The following EYS variants were observed in gnomAD, a reference collection of about 807,000 sequenced individuals.
EYS encodes the protein EGF-like photoreceptor maintenance factor.
EYS carries 250 observed loss-of-function variants against 282.1 expected under a neutral mutation model. The observed-to-expected ratio is 0.89, with a 90% CI of 0.80 to 0.98. EYS has a LOEUF of 0.98. Ranked by LOEUF, EYS falls within the 50% of genes least tolerant of loss-of-function variation. EYS has a pLI of 0.00. For missense variants in EYS, 4,016 were observed against 3,709.0 expected (o/e 1.08, Z -2.15); for synonymous variants, 1,355 against 1,282.9 (o/e 1.06, Z -1.20).
chr6:64,911,418 T>C (rs1767986845), intron 16 of EYS, among the ~76,000 whole-genome samples: 1 of 152,152 alleles, frequency 6.6e-6, no homozygotes. Flanking sequence ...GTATACAGGT[T>C]CAAGAACTTG....
chr6:65,076,716 A>G (rs1029559787), intron 12 of EYS, among the ~76,000 whole-genome samples: 2 of 151,938 alleles, frequency 1.3e-5, no homozygotes, highest in South Asian at 2.1e-4. Flanking sequence ...ATACATATAT[A>G]TACATTCTCT....
At chr6:63,905,566 G>A (rs571010924) in intron 35 of EYS, among the ~76,000 whole-genome samples, 53 of 152,062 alleles carry the variant, frequency 3.5e-4, no homozygotes, top group Middle Eastern at 3.4e-3. Flanking sequence ...TCCTGACCTC[G>A]TGATCCACCC....
At chr6:65,346,207 G>A (rs1471736362) in intron 9 of EYS, among the ~76,000 whole-genome samples, 1 of 151,736 alleles carries the variant, frequency 6.6e-6, no homozygotes, top group African/African-American at 2.4e-5. Context: ...TGTATGGTCA[G>A]TTTCCAGTCA....
chr6:64,294,262 T>A (rs1768823363), intron 30 of EYS, among the ~76,000 whole-genome samples: 1 of 152,190 alleles, frequency 6.6e-6, no homozygotes, highest in Non-Finnish European at 1.5e-5. Context: ...TGTTAAGAAC[T>A]ATTGCTAGAT....
intron 22 of EYS, among the ~76,000 whole-genome samples, chr6:64,704,535 A>T (rs62418861): frequency 0.011 from 810 of 73,614 alleles, 4 homozygotes; most frequent in African/African-American, 0.035. Flanking sequence ...TACTTATAAT[A>T]ATATTATAAT....
At chr6:65,411,353 A>G (rs1767004465) in intron 5 of EYS, among the ~76,000 whole-genome samples, 1 of 152,102 alleles carries the variant, frequency 6.6e-6, no homozygotes, top group South Asian at 2.1e-4. Context: ...AACATAGTAA[A>G]CAGTGAAATG....
At chr6:63,925,270 T>G (rs149293746) in intron 35 of EYS, among the ~76,000 whole-genome samples, 1 of 152,260 alleles carries the variant, frequency 6.6e-6, no homozygotes, top group East Asian at 1.9e-4. Flanking sequence ...TCCTCTAATT[T>G]ACTGGTATTC....
chr6:65,620,758 G>T (rs1766446259), intron 2 of EYS, among the ~76,000 whole-genome samples: 1 of 151,464 alleles, frequency 6.6e-6, no homozygotes, highest in African/African-American at 2.4e-5. Context: ...TTGTGTCTTT[G>T]TTCTCATTGG....
intron 21 of EYS, among the ~76,000 whole-genome samples, chr6:64,820,206 A>AGG (rs1764859907): frequency 2.6e-5 from 4 of 152,044 alleles, no homozygotes; most frequent in Non-Finnish European, 4.4e-5. Context: ...AAGACAAAAA[A>AGG]GTCACTGAGT....
intron 2 of EYS, among the ~76,000 whole-genome samples, chr6:65,632,012 G>A (rs557776945): frequency 2.3e-4 from 35 of 152,234 alleles, no homozygotes; most frequent in African/African-American, 7.9e-4. Flanking sequence ...ATGACAGAAA[G>A]ATTATGGTAA....
chr6:65,620,480 T>G (rs947973309), intron 2 of EYS, among the ~76,000 whole-genome samples: 2 of 151,732 alleles, frequency 1.3e-5, no homozygotes, highest in Non-Finnish European at 2.9e-5. Context: ...TCTCTCAATT[T>G]TGTTGATCGT....
chr6:64,382,087 C>T (rs929788657), intron 29 of EYS, among the ~76,000 whole-genome samples: 3 of 152,180 alleles, frequency 2.0e-5, no homozygotes, highest in East Asian at 1.9e-4. Flanking sequence ...CAATATTGAA[C>T]AGCCCCTCCT....
intron 33 of EYS, among the ~76,000 whole-genome samples, chr6:64,054,791 T>C (rs1770926685): frequency 6.6e-6 from 1 of 152,124 alleles, no homozygotes; most frequent in African/African-American, 2.4e-5. Context: ...CTTAAAGATA[T>C]TATAAAGAAT....
chr6:65,149,004 C>G lies in EYS; in HGVS notation c.2024-91277G>C, dbSNP rs950821583. Among the ~76,000 whole-genome samples the G allele has an allele frequency of 2.0e-5, 3 of 152,184 alleles. No individual in the cohort carries two copies. In the East Asian group the frequency reaches 5.9e-4, roughly 30 times the overall value. On this transcript the variant is annotated intron_variant, in intron 12 of 42. Transcript: ENST00000503581. The stretch of plus-strand genomic sequence containing the variant: ...GGAGTGGGGAGCCCTGGGCCCAGCC[C>G]AGGAAACATTTTTCCCACTTAGGCC...
At chr6:65,267,792 A>C (rs1767797811) in intron 12 of EYS, among the ~76,000 whole-genome samples, 1 of 151,940 alleles carries the variant, frequency 6.6e-6, no homozygotes, top group Non-Finnish European at 1.5e-5. Flanking sequence ...CAAACAAGCA[A>C]ATGGAAATCT....
chr6:64,511,119 A>T (rs1037939184), intron 26 of EYS, among the ~76,000 whole-genome samples: 10 of 149,996 alleles, frequency 6.7e-5, no homozygotes, highest in African/African-American at 2.4e-4. Context: ...AATAAAAAAA[A>T]TCACTAAAAT....
chr6:65,201,600 T>C (rs1275248793), intron 12 of EYS, among the ~76,000 whole-genome samples: 13 of 152,022 alleles, frequency 8.6e-5, no homozygotes, highest in Admixed American at 6.6e-5. Flanking sequence ...CTGCCATTTC[T>C]GAATTTTACA....
chr6:65,320,629 G>A lies in EYS; in HGVS notation c.1766+14351C>T, dbSNP rs574325112. ...GTGGCACATGGGATAGATGGTGGTA[G>A]AAACAGAGAAGTGCATCTCAGAAGG... On this transcript the variant is annotated intron_variant, in intron 11 of 42. Transcript: ENST00000503581. 2.6e-5 allele frequency among the ~76,000 whole-genome samples: 4 copies of A among 152,344 alleles called. No individual in the cohort carries two copies. In the East Asian group the frequency reaches 7.7e-4, roughly 29 times the overall value.
In EYS at chr6:65,183,431, A is replaced by C. The variant is rs186498081; in HGVS notation, c.2023+112432T>G. Among the ~76,000 whole-genome samples, 169 of 152,000 alleles carry C rather than the reference A, an allele frequency of 1.1e-3. 1 individual carries two copies. The highest frequency in any genetic ancestry group is 3.9e-3 in the African/African-American group (162 of 41,538). The stretch of plus-strand genomic sequence containing the variant: ...TAATTCCAAATACAATTTCGGAGTT[A>C]TTTTGAGTTTCTAAAGGATCTTCTT... On this transcript the variant is annotated intron_variant, in intron 12 of 42. Coordinates refer to ENST00000503581, the MANE Select transcript of EYS (RefSeq NM_001142800.2).
Sources: allele counts gnomAD v4.1 joint callset (sites outside exome capture counted in the v4.1 genomes callset), GRCh38; gene constraint gnomAD v4.1.1; transcripts MANE v1.5; gene names NCBI Gene and HGNC (gene_info 2026-07-23, HGNC 2026-07-21).